CRIP2: variants seen among roughly 807,000 people sequenced by gnomAD.
CRIP2 encodes the protein cysteine rich protein 2.
CRIP2 carries 31 observed loss-of-function variants against 31.3 expected under a neutral mutation model. The ratio of observed to expected loss-of-function variants is 0.99; its 90% CI spans 0.74 to 1.34. CRIP2 has a LOEUF of 1.34. Among genes scored for constraint, CRIP2 ranks in the 40% most tolerant of loss-of-function variants. CRIP2 has a pLI of 0.00. For synonymous variants in CRIP2, 177 were observed against 127.2 expected, an observed-to-expected ratio of 1.39 and a Z score of -2.63; for missense variants, 389 against 301.6, an observed-to-expected ratio of 1.29 and a Z score of -2.15.
intron 1 of CRIP2, chr14:105,476,635 A>G (rs1430713659): frequency 1.0e-6 from 1 of 985,326 alleles, no homozygotes; most frequent in East Asian, 1.1e-4. Flanking sequence ...GCCAGAGCAC[A>G]GTGCTGGCAG....
At chr14:105,474,700 G>C, upstream of CRIP2, 1 of 933,838 alleles carries the variant, frequency 1.1e-6, no homozygotes, top group Non-Finnish European at 1.3e-6. This position sits in a 1 kb window ranked among gnomAD's most constrained non-coding sequence, Gnocchi z 5.1. Flanking sequence ...CGCCCCCGCG[G>C]CGCCCCCAGG....
At position 105,478,590 on chromosome 14, in the gene CRIP2, G is replaced by C; in HGVS notation, c.196+83G>C. On this transcript the variant is annotated intron_variant, in intron 3 of 7. Transcript: ENST00000329146. The surrounding 1 kb of genome is among the most constrained non-coding windows in gnomAD (Gnocchi z 4.9). ...GCGCTGGGGAGGGCTGGGGGTCCCG[G>C]CCGCCGTGGATCCCCGCCCAGAGTC... The C allele has an allele frequency of 2.0e-6, 3 of 1,535,154 alleles. No individual in the cohort carries two copies. Among genetic ancestry groups the C allele is most frequent in the Non-Finnish European group, 2.6e-6 (3 of 1,140,600 alleles).
In CRIP2 at chr14:105,479,993, T is replaced by C; in HGVS notation, c.*340T>C. On this transcript the variant is annotated 3_prime_UTR_variant, in exon 8 of 8. Coordinates refer to ENST00000329146, the MANE Select transcript of CRIP2 (RefSeq NM_001312.4). The stretch of plus-strand genomic sequence containing the variant: ...GCTGCCCACCCACCTGCCAGTGTTA[T>C]TTATGCTCCCTTCGTGGGTGATGGC... The C allele has an allele frequency of 2.9e-6, 1 of 347,736 alleles. No homozygotes were observed. Among genetic ancestry groups the C allele is most frequent in the Admixed American group, 4.4e-5 (1 of 22,862 alleles). 21.5% of individuals were successfully genotyped at this position (347,736 alleles called of 1,614,324 possible). A position where few individuals can be genotyped will look rare whatever the true frequency, so the allele number is the denominator to read the frequency against.
rs868975353 is a variant in CRIP2, at chr14:105,478,759, C to A, written c.225C>A (p.Tyr75Ter). The change falls in exon 4 of 8, where the codon TAC becomes TAA. Residue 75 changes from tyrosine to a stop codon, truncating the protein, a stop_gained. Transcript: ENST00000329146. LOFTEE classifies it high-confidence loss of function. This position sits in a 1 kb window ranked among gnomAD's most constrained non-coding sequence, Gnocchi z 4.9. ...KGVNIGGAGSYIYEKPLAEGP... is the reference protein window; with the variant it reads ...KGVNIGGAGS ...TGAACATCGGGGGCGCGGGCTCCTACATCTACGAGAAGCCCCTGGCGGAGG... is the reference window on the plus strand; with the variant it reads ...TGAACATCGGGGGCGCGGGCTCCTAAATCTACGAGAAGCCCCTGGCGGAGG... 1 of 1,431,392 alleles carries A rather than the reference C, an allele frequency of 7.0e-7. No homozygotes were observed. The allele number at this position is 1,431,392 out of a possible 1,614,324, so 88.7% of individuals were successfully genotyped here. A position where few individuals can be genotyped will look rare whatever the true frequency, so the allele number is the denominator to read the frequency against.
upstream of CRIP2, among the ~76,000 whole-genome samples, chr14:105,473,916 G>A (rs1486385472): frequency 1.3e-5 from 2 of 152,162 alleles, no homozygotes; most frequent in Non-Finnish European, 2.9e-5. Context: ...AGAAGGGACT[G>A]GAGTGTCAGC....
At chr14:105,475,029 C>T (rs1160641779) in intron 1 of CRIP2, 124 bp downstream of exon 1, 2 of 1,130,390 alleles carry the variant, frequency 1.8e-6, no homozygotes, top group Non-Finnish European at 2.3e-6. Flanking sequence ...CGAGGATGCG[C>T]GTCCCGGAGG....
Position 105,478,215 on chromosome 14 carries a change from GGGTGCGGGGCGCGCCCCGGCC to G in CRIP2, c.44-50_44-30del. ...GGTGGCTGCCAGGTGGGGGCGGAGGGGGTGCGGGGCGCGCCCCGGCCCTGACCCCCCTGCCGCCCCTCCCGC... is the reference window on the plus strand; with the variant it reads ...GGTGGCTGCCAGGTGGGGGCGGAGGGCTGACCCCCCTGCCGCCCCTCCCGC... On this transcript the variant is annotated intron_variant, in intron 1 of 7. Transcript: ENST00000329146. This position sits in a 1 kb window ranked among gnomAD's most constrained non-coding sequence, Gnocchi z 4.9. 1 of 1,392,352 alleles carries G rather than the reference GGGTGCGGGGCGCGCCCCGGCC, an allele frequency of 7.2e-7. No individual in the cohort carries two copies. Among genetic ancestry groups the G allele is most frequent in the East Asian group, 2.7e-5 (1 of 36,684 alleles). The allele number at this position is 1,392,352 out of a possible 1,614,324, so 86.2% of individuals were successfully genotyped here.
chr14:105,475,226 G>C, intron 1 of CRIP2: 1 of 276,890 alleles, frequency 3.6e-6, no homozygotes, highest in East Asian at 6.1e-5. Flanking sequence ...ACGCATCCCG[G>C]TTCCTCGGAC....
chr14:105,476,607 G>C, intron 1 of CRIP2: 2 of 985,452 alleles, frequency 2.0e-6, no homozygotes, highest in African/African-American at 1.7e-5. Flanking sequence ...CCCCCACTTG[G>C]CCCACGTCCC....
chr14:105,473,572 A>C (rs2083877198), upstream of CRIP2: 2 of 1,495,992 alleles, frequency 1.3e-6, no homozygotes, highest in South Asian at 2.6e-5. Flanking sequence ...GTCCAGAGTC[A>C]GCTGCCCCCA....
At chr14:105,479,336 T>A in intron 6 of CRIP2, 100 bp from the exon 7 acceptor site, 1 of 1,556,112 alleles carries the variant, frequency 6.4e-7, no homozygotes, top group Non-Finnish European at 8.8e-7. Context: ...TGCGCTGCCC[T>A]CTCCCCCACG....
chr14:105,479,088 C>T (rs782416073), intron 5 of CRIP2, 37 bp from the exon 6 acceptor site: 15 of 1,596,772 alleles, frequency 9.4e-6, no homozygotes, highest in South Asian at 3.4e-5. Flanking sequence ...CCCCCGCCCC[C>T]GCCCCGGGGC....
At chr14:105,476,705 A>G in intron 1 of CRIP2, 1 of 985,238 alleles carries the variant, frequency 1.0e-6, no homozygotes, top group South Asian at 4.7e-5. Context: ...CTGCTGGGAC[A>G]CGCCTGCCCA....
In CRIP2 at chr14:105,478,714, C is replaced by A. The variant is rs1555436488; in HGVS notation, c.197-17C>A. 9.8e-6 allele frequency: 14 copies of A among 1,434,762 alleles called. No homozygotes were observed. The highest frequency in any genetic ancestry group is 1.2e-5 in the Non-Finnish European group (13 of 1,098,450). 88.9% of individuals were successfully genotyped at this position (1,434,762 alleles called of 1,614,324 possible). A position where few individuals can be genotyped will look rare whatever the true frequency, so the allele number is the denominator to read the frequency against. ...CCCCACCCCACGTACCCCCGCCCCA[C>A]GTACCCCCACCCGCAGGCGTGAACA... On this transcript the variant is annotated splice_polypyrimidine_tract_variant and intron_variant, in intron 3 of 7. Coordinates refer to ENST00000329146, the MANE Select transcript of CRIP2 (RefSeq NM_001312.4). The surrounding 1 kb of genome is among the most constrained non-coding windows in gnomAD (Gnocchi z 4.9).
At chr14:105,477,554 G>A in intron 1 of CRIP2, 1 of 984,066 alleles carries the variant, frequency 1.0e-6, no homozygotes, top group African/African-American at 1.8e-5. Flanking sequence ...CGAGGCAGGT[G>A]TGAGAGGGAG....
At chr14:105,473,527 C>T (rs1555435185), upstream of CRIP2, 1 of 1,531,908 alleles carries the variant, frequency 6.5e-7, no homozygotes, top group Non-Finnish European at 8.7e-7. Context: ...GTCTCCGTGT[C>T]CAGCCCACAG....
chr14:105,478,816 C>G lies in CRIP2; in HGVS notation c.282C>G (p.Pro94=). ...AGGTCACCGGCCCCATCGAGGTCCC[C>G]GCGGCCCGAGCAGAGGAGCGGAAGG... ...GPQVTGPIEV[P]AARAEERKAS... is the part of the protein sequence containing the mutation. The change falls in exon 4 of 8, where the codon CCC becomes CCG. Residue 94 remains proline (P), a synonymous_variant. Transcript: ENST00000329146. The surrounding 1 kb of genome is among the most constrained non-coding windows in gnomAD (Gnocchi z 4.9). The G allele has an allele frequency of 1.4e-6, 2 of 1,430,888 alleles. No individual in the cohort carries two copies. Among genetic ancestry groups the G allele is most frequent in the Non-Finnish European group, 1.8e-6 (2 of 1,101,406 alleles). 88.6% of individuals were successfully genotyped at this position (1,430,888 alleles called of 1,614,324 possible).
rs1294228935 is a variant in CRIP2, at chr14:105,478,753, C to T, written c.219C>T (p.Gly73=). ...GPKGVNIGGA[G]SYIYEKPLAE... ...CAGGCGTGAACATCGGGGGCGCGGG[C>T]TCCTACATCTACGAGAAGCCCCTGG... Residue 73 remains glycine, a synonymous_variant, in exon 4 of 8, where the codon GGC becomes GGT. Transcript: ENST00000329146. This position sits in a 1 kb window ranked among gnomAD's most constrained non-coding sequence, Gnocchi z 4.9. 3 of 1,431,060 alleles carry T rather than the reference C, an allele frequency of 2.1e-6. No individual in the cohort carries two copies. The highest frequency in any genetic ancestry group is 2.7e-6 in the Non-Finnish European group (3 of 1,097,870). 88.6% of individuals were successfully genotyped at this position (1,431,060 alleles called of 1,614,324 possible). A position where few individuals can be genotyped will look rare whatever the true frequency, so the allele number is the denominator to read the frequency against.
intron 6 of CRIP2, 60 bp from the exon 7 acceptor site, chr14:105,479,376 C>G (rs1258071527): frequency 1.9e-6 from 3 of 1,607,364 alleles, no homozygotes; most frequent in African/African-American, 2.7e-5. Flanking sequence ...CTGGAAGCCT[C>G]CAGGTGATGG....
Sources: gnomAD v4.1 joint callset for allele counts (sites outside exome capture counted in the v4.1 genomes callset) on GRCh38, gnomAD v4.1.1 for gene constraint, Gnocchi (gnomAD v3.1) non-coding constraint, MANE v1.5 for transcripts, NCBI Gene and HGNC (gene_info 2026-07-23, HGNC 2026-07-21) for gene names.